The following KHDRBS2 variants were observed in gnomAD, a reference collection of about 807,000 sequenced individuals.
KHDRBS2 encodes KH domain-containing, RNA-binding, signal transduction-associated protein 2.
KHDRBS2 carries 26 observed loss-of-function variants against 44.3 expected under a neutral mutation model. That is an observed-to-expected ratio of 0.59 (90% CI 0.43 to 0.81). The LOEUF (loss-of-function observed/expected upper bound fraction) is 0.81. KHDRBS2 is among the 40% of genes least tolerant of loss of function. The probability of loss-of-function intolerance (pLI) is 0.00; values close to 1 mark genes in which losing one functional copy is unlikely to be tolerated. For synonymous variants in KHDRBS2, 194 were observed against 151.1 expected (o/e 1.28, Z -2.08); for missense variants, 476 against 433.1 (o/e 1.10, Z -0.88).
the KHDRBS2 span, among the ~76,000 whole-genome samples, chr6:61,601,868 C>T: frequency 6.6e-6 from 1 of 152,140 alleles, no homozygotes; most frequent in Non-Finnish European, 1.5e-5. Flanking sequence ...GTGACTAGCC[C>T]ACCCACACCT....
chr6:61,807,171 A>T (rs1318302248), intron 6 of KHDRBS2, among the ~76,000 whole-genome samples: 1 of 152,154 alleles, frequency 6.6e-6, no homozygotes, highest in South Asian at 2.1e-4. Context: ...AAGTCAAAAA[A>T]TCATAGAGGC....
the KHDRBS2 span, among the ~76,000 whole-genome samples, chr6:61,544,887 A>T: frequency 1.3e-5 from 2 of 152,104 alleles, no homozygotes; most frequent in East Asian, 3.9e-4. Flanking sequence ...CAATGAGAAC[A>T]CATGGTCAGA....
chr6:62,201,699 G>T (rs1473935950), intron 1 of KHDRBS2, among the ~76,000 whole-genome samples: 2 of 151,978 alleles, frequency 1.3e-5, no homozygotes, highest in African/African-American at 4.8e-5. Flanking sequence ...GACTTTAAAA[G>T]ACCATAAACT....
the KHDRBS2 span, among the ~76,000 whole-genome samples, chr6:61,557,862 A>T: frequency 0.028 from 4,263 of 152,008 alleles, 200 homozygotes; most frequent in African/African-American, 0.097. Flanking sequence ...CATGGTTCAA[A>T]CTTGGTAGGT....
intron 2 of KHDRBS2, among the ~76,000 whole-genome samples, chr6:62,131,033 A>G (rs1810176166): frequency 6.6e-6 from 1 of 152,102 alleles, no homozygotes; most frequent in Non-Finnish European, 1.5e-5. Flanking sequence ...AATATTATTA[A>G]CATTATTATT....
the KHDRBS2 span, among the ~76,000 whole-genome samples, chr6:61,624,886 A>G: frequency 6.6e-6 from 1 of 152,176 alleles, no homozygotes; most frequent in African/African-American, 2.4e-5. Context: ...CTAGTCTGCA[A>G]AAGGGGCAAA....
chr6:61,791,921 A>G (rs1784693612), intron 6 of KHDRBS2, among the ~76,000 whole-genome samples: 1 of 151,444 alleles, frequency 6.6e-6, no homozygotes, highest in African/African-American at 2.4e-5. Context: ...GATATATTTG[A>G]ATTTAATTCC....
chr6:61,834,431 CA>C (rs1274634678), intron 6 of KHDRBS2, among the ~76,000 whole-genome samples: 47 of 152,198 alleles, frequency 3.1e-4, no homozygotes, highest in South Asian at 4.1e-4. Flanking sequence ...AACTAATTAA[CA>C]GCAGATAAGA....
intron 4 of KHDRBS2, among the ~76,000 whole-genome samples, chr6:61,943,099 GAAGA>G (rs932500908): frequency 3.4e-5 from 5 of 144,978 alleles, no homozygotes; most frequent in Admixed American, 6.9e-5. Flanking sequence ...AGAAAGAAAG[GAAGA>G]AAGAAAGAAA....
chr6:61,906,327 T>C (rs942461732), intron 4 of KHDRBS2, among the ~76,000 whole-genome samples: 3 of 152,168 alleles, frequency 2.0e-5, no homozygotes, highest in Admixed American at 2.0e-4. Context: ...GGTATATGAT[T>C]TGTAATAATC....
At chr6:61,985,704 A>T (rs949268537) in intron 3 of KHDRBS2, among the ~76,000 whole-genome samples, 1 of 152,142 alleles carries the variant, frequency 6.6e-6, no homozygotes, top group Non-Finnish European at 1.5e-5. Context: ...CAATAAACCA[A>T]AAACAATAGG....
At chr6:61,686,255 T>A (rs569723751) in intron 8 of KHDRBS2, among the ~76,000 whole-genome samples, 2 of 151,818 alleles carry the variant, frequency 1.3e-5, no homozygotes, top group South Asian at 4.2e-4. Flanking sequence ...ACAACTAAAG[T>A]AGGAAACCCA....
intron 4 of KHDRBS2, among the ~76,000 whole-genome samples, chr6:61,963,597 C>T (rs1209919811): frequency 2.0e-5 from 3 of 151,984 alleles, no homozygotes; most frequent in African/African-American, 7.2e-5. Flanking sequence ...TACAGGGGCC[C>T]TCTCACTCTT....
At chr6:62,170,094 T>A (rs1019222849) in intron 2 of KHDRBS2, among the ~76,000 whole-genome samples, 1 of 151,838 alleles carries the variant, frequency 6.6e-6, no homozygotes, top group Admixed American at 6.6e-5. Flanking sequence ...CTTACTTCTG[T>A]CCAAAATCTG....
intron 7 of KHDRBS2, among the ~76,000 whole-genome samples, chr6:61,703,495 C>T (rs1312357419): frequency 2.0e-5 from 3 of 151,752 alleles, no homozygotes. Flanking sequence ...TCAGCATTTA[C>T]ACTGAAACCT....
chr6:61,795,584 C>T (rs560537029), intron 6 of KHDRBS2, among the ~76,000 whole-genome samples: 1 of 152,050 alleles, frequency 6.6e-6, no homozygotes, highest in Non-Finnish European at 1.5e-5. Flanking sequence ...GGATGGTTTT[C>T]ATGCCACTTT....
At chr6:61,574,369 T>C in the KHDRBS2 span, 2 of 1,526,954 alleles carry the variant, frequency 1.3e-6, no homozygotes, top group South Asian at 2.4e-5. Context: ...TTTCAACCAC[T>C]GCAACTGACC....
intron 1 of KHDRBS2, among the ~76,000 whole-genome samples, chr6:62,270,906 C>A (rs1427160204): frequency 1.3e-5 from 2 of 152,036 alleles, no homozygotes; most frequent in Admixed American, 1.3e-4. Flanking sequence ...CACAAAGCTA[C>A]CAGGTTAGCA....
At chr6:62,192,182 A>G (rs1219414554) in intron 1 of KHDRBS2, among the ~76,000 whole-genome samples, 1 of 152,068 alleles carries the variant, frequency 6.6e-6, no homozygotes, top group Non-Finnish European at 1.5e-5. Flanking sequence ...TAAAAAAGCA[A>G]TAAATCTGAT....
Sources: gnomAD v4.1 joint callset for allele counts (sites outside exome capture counted in the v4.1 genomes callset) on GRCh38, gnomAD v4.1.1 for gene constraint, MANE v1.5 for transcripts, NCBI Gene and HGNC (gene_info 2026-07-23, HGNC 2026-07-21) for gene names.